KLF12: variants seen among roughly 807,000 people sequenced by gnomAD.
The protein encoded by KLF12 is KLF transcription factor 12.
In KLF12, 9 loss-of-function variants were observed where a neutral mutation model predicts 37.8. That is an observed-to-expected ratio of 0.24 (90% CI 0.14 to 0.42). KLF12 has a LOEUF of 0.42. Among genes scored for constraint, KLF12 ranks in the 10% least tolerant of loss-of-function variants. KLF12 has a pLI of 1.00. For missense variants in KLF12, 411 were observed against 516.0 expected, an observed-to-expected ratio of 0.80 and a Z score of 1.97; for synonymous variants, 208 against 202.1, an observed-to-expected ratio of 1.03 and a Z score of -0.25.
At chr13:73,844,474 A>T (rs1884911150) in intron 4 of KLF12, among the ~76,000 whole-genome samples, 2 of 152,220 alleles carry the variant, frequency 1.3e-5, no homozygotes, top group African/African-American at 4.8e-5. Flanking sequence ...GAAAGAGATT[A>T]TCAAGTAAGC....
chr13:74,289,912 T>C, the KLF12 span, among the ~76,000 whole-genome samples: 1 of 152,120 alleles, frequency 6.6e-6, no homozygotes, highest in African/African-American at 2.4e-5. Context: ...TAAAACAAAA[T>C]CCTAAGAGTT....
chr13:73,832,513 G>A lies in KLF12; in HGVS notation c.670+13314C>T, dbSNP rs1310160879. ...AGGGGGAGCCCTTGGATTTAGCACA[G>A]AAGAGACAAAAAAGCAATCAAGAAA... On this transcript the variant is annotated intron_variant, in intron 4 of 7. Coordinates refer to ENST00000377669, the MANE Select transcript of KLF12 (RefSeq NM_007249.5). Among the ~76,000 whole-genome samples, 3 of 152,240 alleles carry A rather than the reference G, an allele frequency of 2.0e-5. No homozygotes were observed. In the East Asian group the frequency reaches 5.8e-4, roughly 29 times the overall value.
chr13:73,954,945 A>G (rs1056860565), intron 2 of KLF12, among the ~76,000 whole-genome samples: 5 of 152,360 alleles, frequency 3.3e-5, no homozygotes, highest in Middle Eastern at 3.4e-3. Context: ...TGCATAGAGT[A>G]CAAGTTAGAA....
At chr13:73,717,546 TAATAA>T (rs1875909721) in intron 6 of KLF12, among the ~76,000 whole-genome samples, 1 of 152,234 alleles carries the variant, frequency 6.6e-6, no homozygotes, top group African/African-American at 2.4e-5. Context: ...TCCCTTTTAC[TAATAA>T]ATTAGGCAAA....
intron 1 of KLF12, among the ~76,000 whole-genome samples, chr13:74,021,890 T>C (rs1041875482): frequency 1.3e-5 from 2 of 152,174 alleles, no homozygotes; most frequent in African/African-American, 4.8e-5. Context: ...CCATCAAGCA[T>C]AGATCTCAGA....
chr13:73,877,873 A>T (rs577919894), intron 3 of KLF12, among the ~76,000 whole-genome samples: 1 of 152,136 alleles, frequency 6.6e-6, no homozygotes, highest in Non-Finnish European at 1.5e-5. Context: ...GCAGCTCTAA[A>T]GAGAACAGGT....
chr13:74,216,875 C>A, the KLF12 span, among the ~76,000 whole-genome samples: 6 of 152,132 alleles, frequency 3.9e-5, no homozygotes, highest in African/African-American at 1.4e-4. Flanking sequence ...AGCACTTCTA[C>A]CTCTGAAGTA....
At chr13:73,814,029 G>A (rs1172573877) in intron 4 of KLF12, among the ~76,000 whole-genome samples, 1 of 151,264 alleles carries the variant, frequency 6.6e-6, no homozygotes, top group Non-Finnish European at 1.5e-5. Flanking sequence ...CAAATGAGAG[G>A]GTTACTTACT....
chr13:73,704,223 A>G (rs1388540823), intron 7 of KLF12, among the ~76,000 whole-genome samples: 3 of 152,120 alleles, frequency 2.0e-5, no homozygotes, highest in Non-Finnish European at 4.4e-5. Flanking sequence ...AAAGACTCCT[A>G]AGCAGCTATA....
At chr13:73,726,132 C>T (rs1314694635) in intron 6 of KLF12, among the ~76,000 whole-genome samples, 1 of 152,028 alleles carries the variant, frequency 6.6e-6, no homozygotes, top group East Asian at 1.9e-4. Flanking sequence ...GGATTATAGG[C>T]GTGAGTAACC....
chr13:73,877,012 CAA>C (rs769655605), intron 3 of KLF12, among the ~76,000 whole-genome samples: 6 of 107,188 alleles, frequency 5.6e-5, no homozygotes, highest in Admixed American at 1.0e-4. Flanking sequence ...GACTCCGTCT[CAA>C]AAAAAAAAAA....
intron 7 of KLF12, among the ~76,000 whole-genome samples, chr13:73,696,109 G>A (rs1874130403): frequency 6.9e-6 from 1 of 145,780 alleles, no homozygotes; most frequent in African/African-American, 2.6e-5. Flanking sequence ...TCACTTAGAT[G>A]GCTTAAGGCT....
intron 1 of KLF12, among the ~76,000 whole-genome samples, chr13:74,047,983 C>T (rs1368104094): frequency 6.6e-6 from 1 of 152,220 alleles, no homozygotes. Flanking sequence ...CTTCCCCAAG[C>T]CTCACAGAAC....
intron 5 of KLF12, among the ~76,000 whole-genome samples, chr13:73,782,427 A>C (rs1324058): frequency 0.18 from 27,041 of 152,226 alleles, 3,181 homozygotes; most frequent in East Asian, 0.48. Flanking sequence ...TGACAGGCTA[A>C]ATGCTAAGTG....
chr13:74,141,291 T>C, the KLF12 span, among the ~76,000 whole-genome samples: 106,185 of 152,082 alleles, frequency 0.7, 41,037 homozygotes, highest in East Asian at 0.88. Flanking sequence ...TTAGTTTTGA[T>C]AGATTTGAGA....
At chr13:74,124,716 C>T (rs184903797) in intron 1 of KLF12, among the ~76,000 whole-genome samples, 44 of 152,150 alleles carry the variant, frequency 2.9e-4, no homozygotes, top group East Asian at 5.8e-4. Flanking sequence ...CCTGGTGATA[C>T]GGCAAATGAT....
At chr13:73,826,150 T>C (rs532389375) in intron 4 of KLF12, among the ~76,000 whole-genome samples, 124 of 152,168 alleles carry the variant, frequency 8.1e-4, no homozygotes, top group African/African-American at 2.7e-3. Flanking sequence ...TTTTTTTGTA[T>C]CTTTAGTAGA....
chr13:74,015,216 T>TA lies in KLF12; in HGVS notation c.-31-20164dup, dbSNP rs199699121. ...GACTGATCCATGTCTAATTTATTGC[T>TA]ATTGTAATCCCTAGTAAACTTAAAA... On this transcript the variant is annotated intron_variant, in intron 1 of 7. Coordinates refer to ENST00000377669, the MANE Select transcript of KLF12 (RefSeq NM_007249.5). Among the ~76,000 whole-genome samples, 13 of 152,222 alleles carry TA rather than the reference T, an allele frequency of 8.5e-5. No homozygotes were observed. In the East Asian group the frequency reaches 1.9e-3, roughly 23 times the overall value.
chr13:73,718,656 G>A (rs1875993781), intron 6 of KLF12, among the ~76,000 whole-genome samples: 1 of 152,220 alleles, frequency 6.6e-6, no homozygotes, highest in Non-Finnish European at 1.5e-5. Context: ...ACTTTGTGAA[G>A]CTGATGTAGG....
Sources: gnomAD v4.1 joint callset for allele counts (sites outside exome capture counted in the v4.1 genomes callset) on GRCh38, gnomAD v4.1.1 for gene constraint, MANE v1.5 for transcripts, NCBI Gene and HGNC (gene_info 2026-07-23, HGNC 2026-07-21) for gene names.